The following EEA1 variants were observed in gnomAD, a reference collection of about 807,000 sequenced individuals.
EEA1 encodes the protein early endosome antigen 1.
EEA1 carries 111 observed loss-of-function variants against 209.2 expected under a neutral mutation model. The observed-to-expected ratio is 0.53, with a 90% CI of 0.45 to 0.62. The LOEUF is 0.62. Ranked by LOEUF, EEA1 falls within the 20% of genes least tolerant of loss-of-function variation. EEA1 has a pLI of 0.00. For missense variants in EEA1, 1,343 were observed against 1,530.8 expected, an observed-to-expected ratio of 0.88 and a Z score of 2.05; for synonymous variants, 536 against 540.6, an observed-to-expected ratio of 0.99 and a Z score of 0.12.
At chr12:92,882,301 T>C (rs1879182059) in intron 2 of EEA1, among the ~76,000 whole-genome samples, 1 of 151,926 alleles carries the variant, frequency 6.6e-6, no homozygotes, top group Non-Finnish European at 1.5e-5. Flanking sequence ...AGAAACATGG[T>C]TTCATCACGT....
rs1298154439 is a variant in EEA1, at chr12:92,771,595, G to A, written c.*4416C>T. ...ACTTCAAGCTTCAAGTGAATTCCTAGAGATGGCATCTGGATGGGACTGAAA... is the reference window on the plus strand; with the variant it reads ...ACTTCAAGCTTCAAGTGAATTCCTAAAGATGGCATCTGGATGGGACTGAAA... On this transcript the variant is annotated 3_prime_UTR_variant, in exon 29 of 29. Transcript: ENST00000322349. 6.6e-6 allele frequency: 1 copy of A among 152,064 alleles called. No homozygotes were observed. Among genetic ancestry groups the A allele is most frequent in the South Asian group, 2.1e-4 (1 of 4,828 alleles). The allele number at this position is 152,064 out of a possible 1,614,324, so 9.4% of individuals were successfully genotyped here. A position where few individuals can be genotyped will look rare whatever the true frequency, so the allele number is the denominator to read the frequency against.
intron 2 of EEA1, among the ~76,000 whole-genome samples, chr12:92,881,707 T>C (rs572930496): frequency 1.3e-5 from 2 of 152,318 alleles, no homozygotes; most frequent in East Asian, 1.9e-4. Flanking sequence ...GGAAGCCAGC[T>C]TGGAATAGGA....
At chr12:92,844,056 G>T (rs1877291533) in intron 9 of EEA1, among the ~76,000 whole-genome samples, 1 of 152,008 alleles carries the variant, frequency 6.6e-6, no homozygotes, top group South Asian at 2.1e-4. Context: ...TATAGGCAAG[G>T]TAAGTGACTG....
intron 1 of EEA1, among the ~76,000 whole-genome samples, chr12:92,926,244 C>T (rs562057998): frequency 6.6e-6 from 1 of 152,056 alleles, no homozygotes; most frequent in African/African-American, 2.4e-5. Flanking sequence ...CCGCCCGTCT[C>T]GGCCTCCCAA....
chr12:92,902,278 C>T (rs1880177093), intron 1 of EEA1, among the ~76,000 whole-genome samples: 1 of 152,108 alleles, frequency 6.6e-6, no homozygotes. Context: ...AAAATGGAAA[C>T]ATAGAGTATC....
At chr12:92,832,979 A>T in intron 10 of EEA1, 129 bp from the exon 11 acceptor site, 1 of 655,646 alleles carries the variant, frequency 1.5e-6, no homozygotes, top group Non-Finnish European at 2.4e-6. Flanking sequence ...TAAAACAGTG[A>T]CAATGTTCTA....
chr12:92,925,277 C>T (rs771427176), intron 1 of EEA1, among the ~76,000 whole-genome samples: 74 of 152,064 alleles, frequency 4.9e-4, no homozygotes, highest in Non-Finnish European at 9.7e-4. Flanking sequence ...TGCAGTGGCA[C>T]GATCTTGGCT....
intron 20 of EEA1, among the ~76,000 whole-genome samples, chr12:92,800,250 A>C (rs1406883608): frequency 6.6e-6 from 1 of 152,270 alleles, no homozygotes; most frequent in East Asian, 1.9e-4. Context: ...ACTGTAGAAT[A>C]GTTACCTCAT....
At chr12:92,861,128 G>T (rs147144037) in intron 3 of EEA1, among the ~76,000 whole-genome samples, 2 of 152,232 alleles carry the variant, frequency 1.3e-5, no homozygotes, top group African/African-American at 4.8e-5. Context: ...CCTTCTGCAG[G>T]AGAGAGATTT....
intron 15 of EEA1, among the ~76,000 whole-genome samples, chr12:92,813,527 C>G (rs1875625615): frequency 6.6e-6 from 1 of 152,120 alleles, no homozygotes; most frequent in South Asian, 2.1e-4. Context: ...ACAACTGGCA[C>G]TTTGTAAAAT....
intron 26 of EEA1, 125 bp downstream of exon 26, chr12:92,777,816 A>G (rs978755776): frequency 2.4e-6 from 3 of 1,228,294 alleles, no homozygotes. Flanking sequence ...TTAAATGGCT[A>G]CTTAAATACC....
chr12:92,807,876 A>G (rs1209476742), intron 18 of EEA1, among the ~76,000 whole-genome samples: 1 of 152,150 alleles, frequency 6.6e-6, no homozygotes, highest in Non-Finnish European at 1.5e-5. Flanking sequence ...AGGGAATTCT[A>G]ATCAAAATAC....
At chr12:92,890,771 G>A (rs1341992987) in intron 2 of EEA1, among the ~76,000 whole-genome samples, 2 of 152,036 alleles carry the variant, frequency 1.3e-5, no homozygotes, top group Non-Finnish European at 2.9e-5. Context: ...TCTTACTATG[G>A]TTAAAATACA....
chr12:92,921,111 G>A (rs1327171327), intron 1 of EEA1, among the ~76,000 whole-genome samples: 2 of 152,072 alleles, frequency 1.3e-5, no homozygotes, highest in South Asian at 2.1e-4. Flanking sequence ...AGGTGCTGGA[G>A]AGGATGTGGA....
chr12:92,884,847 T>C lies in EEA1; in HGVS notation c.117+6782A>G, dbSNP rs868531304. 7.7e-5 allele frequency: 49 copies of C among 639,070 alleles called. No individual in the cohort carries two copies. The Middle Eastern group carries it at 1.7e-3, about 22-fold the overall frequency. 39.6% of individuals were successfully genotyped at this position (639,070 alleles called of 1,614,324 possible). On this transcript the variant is annotated intron_variant, in intron 2 of 28. Transcript: ENST00000322349. ...AAGACCTGTTTTAGACAAATACTCA[T>C]GGGTATGGGCAAAAAACTCGAGGAC...
intron 2 of EEA1, among the ~76,000 whole-genome samples, chr12:92,866,940 T>A (rs1878424882): frequency 6.6e-6 from 1 of 152,202 alleles, no homozygotes; most frequent in African/African-American, 2.4e-5. Context: ...CTCATCTCCA[T>A]CCTCATTGCA....
chr12:92,775,912 A>T lies in EEA1; in HGVS notation c.*99T>A. ...AATTCCTATTTGGTCTAGTATTGCA[A>T]CCAGTGTCCAAACCAAATAGTAGTC... On this transcript the variant is annotated 3_prime_UTR_variant, in exon 29 of 29. Coordinates refer to ENST00000322349, the MANE Select transcript of EEA1 (RefSeq NM_003566.4). The T allele has an allele frequency of 7.7e-7, 1 of 1,292,792 alleles. No homozygotes were observed. The highest frequency in any genetic ancestry group is 1.0e-6 in the Non-Finnish European group (1 of 961,774). The allele number at this position is 1,292,792 out of a possible 1,614,324, so 80.1% of individuals were successfully genotyped here.
intron 3 of EEA1, chr12:92,858,083 G>C: frequency 6.4e-6 from 3 of 466,718 alleles, no homozygotes; most frequent in Non-Finnish European, 1.2e-5. Context: ...ACACCAACAT[G>C]AACGGGAGCT....
At chr12:92,809,440 C>T (rs1349897332) in intron 17 of EEA1, among the ~76,000 whole-genome samples, 4 of 150,278 alleles carry the variant, frequency 2.7e-5, no homozygotes, top group Non-Finnish European at 5.9e-5. Context: ...AATCCCAGCA[C>T]CTTGGGAGGC....
Sources: allele counts gnomAD v4.1 joint callset (sites outside exome capture counted in the v4.1 genomes callset), GRCh38; gene constraint gnomAD v4.1.1; transcripts MANE v1.5; gene names NCBI Gene and HGNC (gene_info 2026-07-23, HGNC 2026-07-21).